Variants in WWOX observed in about 807,000 individuals in gnomAD.
The protein encoded by WWOX is WW domain containing oxidoreductase.
A neutral mutation model predicts 46.2 loss-of-function variants in WWOX; 69 were observed. That is an observed-to-expected ratio of 1.49 (90% CI 1.23 to 1.82). The LOEUF is 1.82. Ranked by LOEUF, WWOX falls within the 40% of genes most tolerant of loss-of-function variation. The probability of loss-of-function intolerance (pLI) is 0.00; values close to 1 mark genes in which losing one functional copy is unlikely to be tolerated. For missense variants in WWOX, 919 were observed against 542.6 expected (o/e 1.69, Z -6.89); for synonymous variants, 359 against 202.6 (o/e 1.77, Z -6.56).
chr16:78,703,757 T>C (rs1409908047), intron 8 of WWOX, among the ~76,000 whole-genome samples: 1 of 151,964 alleles, frequency 6.6e-6, no homozygotes, highest in Non-Finnish European at 1.5e-5. Flanking sequence ...TGTTTCCAAC[T>C]ACCTCACTGA....
intron 8 of WWOX, among the ~76,000 whole-genome samples, chr16:79,164,968 A>T (rs1200742579): frequency 6.6e-6 from 1 of 152,128 alleles, no homozygotes; most frequent in Middle Eastern, 3.2e-3. Flanking sequence ...CAACTCTCTA[A>T]TTCATGTATA....
intron 8 of WWOX, among the ~76,000 whole-genome samples, chr16:78,479,063 G>C (rs1014265599): frequency 2.6e-5 from 4 of 152,116 alleles, no homozygotes; most frequent in African/African-American, 9.7e-5. Flanking sequence ...TAAAATATAA[G>C]TAAGTCAGAT....
At chr16:79,156,935 A>T (rs1356136806) in intron 8 of WWOX, among the ~76,000 whole-genome samples, 1 of 152,222 alleles carries the variant, frequency 6.6e-6, no homozygotes, top group Non-Finnish European at 1.5e-5. Flanking sequence ...CAATATGTGA[A>T]TTATCATCAG....
chr16:78,829,679 T>C (rs1423690590), intron 8 of WWOX, among the ~76,000 whole-genome samples: 1 of 152,146 alleles, frequency 6.6e-6, no homozygotes, highest in Admixed American at 6.5e-5. Flanking sequence ...GAAAGTCATG[T>C]CTCATTCAGT....
At chr16:78,967,316 G>A (rs141574884) in intron 8 of WWOX, among the ~76,000 whole-genome samples, 1 of 54,042 alleles carries the variant, frequency 1.9e-5, no homozygotes, top group Admixed American at 3.0e-4. Flanking sequence ...TTTTTTTTGA[G>A]ACTCACTCTG....
chr16:78,750,509 CG>C (rs1173781520), intron 8 of WWOX, among the ~76,000 whole-genome samples: 3 of 151,900 alleles, frequency 2.0e-5, no homozygotes, highest in Non-Finnish European at 2.9e-5. Context: ...GTTTCAGTTT[CG>C]GGGGGTACAT....
intron 8 of WWOX, among the ~76,000 whole-genome samples, chr16:78,623,447 A>G (rs759007987): frequency 6.6e-6 from 1 of 152,186 alleles, no homozygotes; most frequent in African/African-American, 2.4e-5. Context: ...TGGGAGACCA[A>G]GGCGGGCAGA....
At chr16:78,871,693 G>C (rs1225879947) in intron 8 of WWOX, among the ~76,000 whole-genome samples, 1 of 152,194 alleles carries the variant, frequency 6.6e-6, no homozygotes, top group Admixed American at 6.5e-5. Context: ...TCTGCCTTCT[G>C]GGTTCAAGCA....
intron 8 of WWOX, among the ~76,000 whole-genome samples, chr16:78,749,247 C>G (rs1413161328): frequency 1.3e-5 from 2 of 152,038 alleles, no homozygotes; most frequent in Admixed American, 6.6e-5. Flanking sequence ...ATAGGTAGAT[C>G]CTGCATTTTA....
chr16:78,728,328 C>A (rs577478299), intron 8 of WWOX, among the ~76,000 whole-genome samples: 1 of 152,124 alleles, frequency 6.6e-6, no homozygotes. Context: ...CCTTGGCCTC[C>A]CAAAGTGCTA....
intron 6 of WWOX, among the ~76,000 whole-genome samples, chr16:78,394,392 C>G (rs963522330): frequency 1.3e-5 from 2 of 151,774 alleles, no homozygotes; most frequent in African/African-American, 4.8e-5. Context: ...TTTTTTCTAT[C>G]CCATACATTT....
chr16:78,431,061 C>T (rs376851975), intron 7 of WWOX, among the ~76,000 whole-genome samples: 2 of 152,158 alleles, frequency 1.3e-5, no homozygotes, highest in African/African-American at 4.8e-5. Context: ...CTTTGACAAA[C>T]ATGAGACTGT....
intron 8 of WWOX, among the ~76,000 whole-genome samples, chr16:79,051,118 A>G (rs1368540259): frequency 1.3e-5 from 2 of 151,952 alleles, no homozygotes; most frequent in African/African-American, 2.4e-5. Flanking sequence ...CTGCAGCCCT[A>G]CTCCTCGGGT....
intron 5 of WWOX, among the ~76,000 whole-genome samples, chr16:78,204,905 C>G (rs563131808): frequency 6.6e-6 from 1 of 152,186 alleles, no homozygotes; most frequent in Non-Finnish European, 1.5e-5. Context: ...TTTCTAAGAT[C>G]AGAGAATAGA....
At chr16:78,508,918 C>T (rs939228976) in intron 8 of WWOX, among the ~76,000 whole-genome samples, 2 of 152,354 alleles carry the variant, frequency 1.3e-5, no homozygotes, top group Non-Finnish European at 2.9e-5. Flanking sequence ...GCTGTTACAT[C>T]TGCATCATGT....
At chr16:78,553,082 C>G (rs2044211651) in intron 8 of WWOX, 1 of 152,128 alleles carries the variant, frequency 6.6e-6, no homozygotes, top group Non-Finnish European at 1.5e-5. Flanking sequence ...ACAATGAGAA[C>G]ACATGGACAC....
At chr16:78,259,453 A>ATCTATCTATCTATGTATCTAT (rs1555510204) in intron 5 of WWOX, among the ~76,000 whole-genome samples, 38 of 151,890 alleles carry the variant, frequency 2.5e-4, no homozygotes, top group African/African-American at 5.6e-4. Context: ...CAGTCTGCCG[A>ATCTATCTATCTATGTATCTAT]CTAGCTGGGA....
intron 5 of WWOX, among the ~76,000 whole-genome samples, chr16:78,275,093 C>G (rs1311274768): frequency 1.3e-5 from 2 of 152,168 alleles, no homozygotes; most frequent in Non-Finnish European, 2.9e-5. Context: ...GCAGAGTTTA[C>G]TGAGACTTGG....
At chr16:78,843,791 T>G (rs1318795138) in intron 8 of WWOX, among the ~76,000 whole-genome samples, 1 of 152,200 alleles carries the variant, frequency 6.6e-6, no homozygotes, top group African/African-American at 2.4e-5. Flanking sequence ...TTTATTATGT[T>G]TTTTAAAATA....
Sources: allele counts gnomAD v4.1 joint callset (sites outside exome capture counted in the v4.1 genomes callset), GRCh38; gene constraint gnomAD v4.1.1; transcripts MANE v1.5; gene names NCBI Gene and HGNC (gene_info 2026-07-23, HGNC 2026-07-21).